The following MPRIP variants were observed in gnomAD, a reference collection of about 807,000 sequenced individuals.
MPRIP encodes the protein myosin phosphatase Rho-interacting protein.
MPRIP carries 59 observed loss-of-function variants against 234.9 expected under a neutral mutation model. The ratio of observed to expected loss-of-function variants is 0.25; its 90% CI spans 0.20 to 0.31. The LOEUF is 0.31. Ranked by LOEUF, MPRIP falls within the 10% of genes least tolerant of loss-of-function variation. The pLI is 1.00. For missense variants in MPRIP, 2,436 were observed against 3,071.0 expected (o/e 0.79, Z 4.89); for synonymous variants, 1,144 against 1,263.9 (o/e 0.91, Z 2.01).
intron 1 of MPRIP, among the ~76,000 whole-genome samples, chr17:17,056,616 G>T (rs901965212): frequency 7.4e-5 from 11 of 149,344 alleles, no homozygotes; most frequent in South Asian, 4.3e-4. Flanking sequence ...GTTTTGAGGG[G>T]TTTTTTTTTT....
intron 1 of MPRIP, among the ~76,000 whole-genome samples, chr17:17,072,136 C>T (rs1056250062): frequency 6.6e-6 from 1 of 152,232 alleles, no homozygotes; most frequent in African/African-American, 2.4e-5. Flanking sequence ...TGCCCGTGGG[C>T]ATTGCTGCAC....
intron 9 of MPRIP, among the ~76,000 whole-genome samples, chr17:17,145,396 C>T (rs190256056): frequency 6.6e-6 from 1 of 152,242 alleles, no homozygotes; most frequent in Admixed American, 6.5e-5. Context: ...GATGGCAGTG[C>T]TGTCTCAGGC....
chr17:17,179,836 A>G (rs2046335828), intron 22 of MPRIP, among the ~76,000 whole-genome samples, 167 bp from the exon 23 acceptor site: 1 of 152,216 alleles, frequency 6.6e-6, no homozygotes, highest in Non-Finnish European at 1.5e-5. Context: ...GAAGAGATCT[A>G]GCATGTTTTA....
In MPRIP at chr17:17,078,008, C is replaced by T; in HGVS notation, c.202-3C>T. The stretch of plus-strand genomic sequence containing the variant: ...TAACCACCCACCTTGTGCTCCGTTG[C>T]AGAAATGGCAGCGACGGTTCTTCAT... On this transcript the variant is annotated splice_polypyrimidine_tract_variant and splice_region_variant and intron_variant, in intron 2 of 23. Coordinates refer to ENST00000651222, the MANE Select transcript of MPRIP (RefSeq NM_001364716.4). This position sits in a 1 kb window ranked among gnomAD's most constrained non-coding sequence, Gnocchi z 4.3. 6.2e-7 allele frequency: 1 copy of T among 1,614,122 alleles called. No individual in the cohort carries two copies. Among genetic ancestry groups the T allele is most frequent in the Non-Finnish European group, 8.5e-7 (1 of 1,179,992 alleles).
At chr17:17,065,381 ATTT>A (rs59705934) in intron 1 of MPRIP, among the ~76,000 whole-genome samples, 35 of 111,758 alleles carry the variant, frequency 3.1e-4, no homozygotes, top group East Asian at 5.4e-4. Flanking sequence ...GCTTGAGATG[ATTT>A]TTTTTTTTTT....
chr17:17,066,069 C>T (rs1395095990), intron 1 of MPRIP, among the ~76,000 whole-genome samples: 2 of 152,192 alleles, frequency 1.3e-5, no homozygotes, highest in African/African-American at 4.8e-5. Flanking sequence ...TCTATACAGA[C>T]AGCTATGTCA....
In MPRIP at chr17:17,136,569, C is replaced by G; in HGVS notation, c.736+119C>G. The stretch of plus-strand genomic sequence containing the variant: ...AGTCGCAAGCCTGGACCTCGATTCC[C>G]TTTGTCCATCAGCCCTGGGGGTAGC... On this transcript the variant is annotated intron_variant, in intron 6 of 23. Coordinates refer to ENST00000651222, the MANE Select transcript of MPRIP (RefSeq NM_001364716.4). The G allele has an allele frequency of 7.3e-6, 7 of 963,320 alleles. No homozygotes were observed. In the South Asian group the frequency reaches 8.3e-5, roughly 11 times the overall value. 59.7% of individuals were successfully genotyped at this position (963,320 alleles called of 1,614,324 possible). A position where few individuals can be genotyped will look rare whatever the true frequency, so the allele number is the denominator to read the frequency against.
chr17:17,166,386 T>TG lies in MPRIP; in HGVS notation c.4797dup (p.Ser1600ValfsTer25). ...CTCCCGAATGCTCCATGAGATTTCT[T>TG]GGTCAGGACAGCCACCGATGGAATC... On this transcript the variant is annotated frameshift_variant, in exon 16 of 24. Transcript: ENST00000651222. LOFTEE classifies it high-confidence loss of function. This position sits in a 1 kb window ranked among gnomAD's most constrained non-coding sequence, Gnocchi z 4.4. 1 of 1,304,486 alleles carries TG rather than the reference T, an allele frequency of 7.7e-7. No individual in the cohort carries two copies. The highest frequency in any genetic ancestry group is 1.0e-6 in the Non-Finnish European group (1 of 989,006). The allele number at this position is 1,304,486 out of a possible 1,614,324, so 80.8% of individuals were successfully genotyped here.
At position 17,185,858 on chromosome 17, in the gene MPRIP, T is replaced by G. The variant is rs987469195; in HGVS notation, c.*964T>G. The G allele has an allele frequency of 2.8e-5, 8 of 283,372 alleles. No individual in the cohort carries two copies. The highest frequency in any genetic ancestry group is 5.5e-5 in the Non-Finnish European group (8 of 144,436). The allele number at this position is 283,372 out of a possible 1,614,324, so 17.6% of individuals were successfully genotyped here. On this transcript the variant is annotated 3_prime_UTR_variant, in exon 24 of 24. Coordinates refer to ENST00000651222, the MANE Select transcript of MPRIP (RefSeq NM_001364716.4). Reference sequence around the variant, plus strand: ...AAGTACAGAGGATGTCAGAATCTGATGAGAACAGCACATTAGTGTTTATTG... The same window carrying G: ...AAGTACAGAGGATGTCAGAATCTGAGGAGAACAGCACATTAGTGTTTATTG...
At position 17,167,084 on chromosome 17, in the gene MPRIP, C is replaced by A; in HGVS notation, c.5493C>A (p.Leu1831=). 7.7e-7 allele frequency: 1 copy of A among 1,304,230 alleles called. No homozygotes were observed. The highest frequency in any genetic ancestry group is 1.0e-6 in the Non-Finnish European group (1 of 988,972). The allele number at this position is 1,304,230 out of a possible 1,614,324, so 80.8% of individuals were successfully genotyped here. The part of the protein sequence containing the change: ...SLSYNTCLGG[L]GQYSSLLVQD... ...CGTATAACACTTGTTTGGGAGGCCT[C>A]GGTCAGTATTCTTCATTGTTGGTTC... Residue 1831 remains leucine, a synonymous_variant, in exon 16 of 24, where the codon CTC becomes CTA. Transcript: ENST00000651222. This position sits in a 1 kb window ranked among gnomAD's most constrained non-coding sequence, Gnocchi z 5.9.
rs556714958 is a variant in MPRIP, at chr17:17,099,587, TGTG to T, written c.267+21518_267+21520del. 3.2e-4 allele frequency among the ~76,000 whole-genome samples: 48 copies of T among 152,202 alleles called. 1 individual carries two copies. The highest frequency in any genetic ancestry group is 3.4e-3 in the Middle Eastern group (1 of 294). On this transcript the variant is annotated intron_variant, in intron 3 of 23. Coordinates refer to ENST00000651222, the MANE Select transcript of MPRIP (RefSeq NM_001364716.4). ...ACAAAAATTTTGAAAATTAGCTGGA[TGTG>T]GTGGTGCATACCTATAGTCCTAGCT...
chr17:17,145,271 A>G (rs755947596), intron 9 of MPRIP, among the ~76,000 whole-genome samples: 27 of 152,196 alleles, frequency 1.8e-4, no homozygotes, highest in Non-Finnish European at 8.8e-5. Flanking sequence ...ACTCCTTGGA[A>G]TAATACAAAC....
At chr17:17,080,564 G>T (rs138076559) in intron 3 of MPRIP, among the ~76,000 whole-genome samples, 36 of 152,230 alleles carry the variant, frequency 2.4e-4, no homozygotes, top group Middle Eastern at 3.4e-3. Flanking sequence ...GCCATGTCTG[G>T]AGTCATCCTT....
At chr17:17,049,910 C>T (rs541637311) in intron 1 of MPRIP, among the ~76,000 whole-genome samples, 8 of 152,294 alleles carry the variant, frequency 5.3e-5, no homozygotes, top group South Asian at 4.1e-4. Flanking sequence ...AAAGAGGGGC[C>T]GGGTGCAGTG....
chr17:17,147,129 G>T (rs1278032998), intron 10 of MPRIP, among the ~76,000 whole-genome samples, 190 bp from the exon 11 acceptor site: 1 of 151,310 alleles, frequency 6.6e-6, no homozygotes, highest in Non-Finnish European at 1.5e-5. Context: ...CGTCCTGAGG[G>T]TGTGAGCGCA....
At chr17:17,150,262 A>C in intron 12 of MPRIP, 29 bp downstream of exon 12, 3 of 1,532,160 alleles carry the variant, frequency 2.0e-6, no homozygotes, top group Non-Finnish European at 2.7e-6. Flanking sequence ...GTGGGGCCAC[A>C]GGCTTGACAG....
rs537963442 is a variant in MPRIP, at chr17:17,190,870, T to G, written c.*5976T>G. ...TGTATTTAAAAGCAGCTGTGTTTAT[T>G]TTCTTCAAAATAACCTGTATATTAT... On this transcript the variant is annotated 3_prime_UTR_variant, in exon 24 of 24. Coordinates refer to ENST00000651222, the MANE Select transcript of MPRIP (RefSeq NM_001364716.4). 1.3e-5 allele frequency: 2 copies of G among 152,372 alleles called. No homozygotes were observed. The highest frequency in any genetic ancestry group is 3.9e-4 in the East Asian group (2 of 5,186). The allele number at this position is 152,372 out of a possible 1,614,324, so 9.4% of individuals were successfully genotyped here.
intron 1 of MPRIP, among the ~76,000 whole-genome samples, chr17:17,066,713 C>A (rs1474131323): frequency 1.8e-5 from 2 of 111,784 alleles, no homozygotes; most frequent in South Asian, 3.4e-4. Flanking sequence ...CCCACAGATA[C>A]TTTTTTCATC....
rs1198548082 is a variant in MPRIP, at chr17:17,055,377, C to T, written c.123+12406C>T. Among the ~76,000 whole-genome samples the T allele has an allele frequency of 4.6e-5, 7 of 152,114 alleles. No homozygotes were observed. The South Asian group carries it at 1.2e-3, about 27-fold the overall frequency. On this transcript the variant is annotated intron_variant, in intron 1 of 23. Transcript: ENST00000651222. ...TGCCCAAGGAAGGTAGAGAGGATCC[C>T]AGAGCTGGGGAGCCGGGTCTAGTCC...
Sources: allele counts gnomAD v4.1 joint callset (sites outside exome capture counted in the v4.1 genomes callset), GRCh38; gene constraint gnomAD v4.1.1; non-coding constraint Gnocchi (gnomAD v3.1); transcripts MANE v1.5; gene names NCBI Gene and HGNC (gene_info 2026-07-23, HGNC 2026-07-21).